PTPRJ: variants seen among roughly 807,000 people sequenced by gnomAD.
PTPRJ encodes the protein receptor-type tyrosine-protein phosphatase eta.
In PTPRJ, 129 loss-of-function variants were observed where a neutral mutation model predicts 141.3. That is an observed-to-expected ratio of 0.91 (90% CI 0.79 to 1.06). The LOEUF is 1.06. Ranked by LOEUF, PTPRJ falls within the 50% of genes least tolerant of loss-of-function variation. PTPRJ has a pLI of 0.00. For missense variants in PTPRJ, 1,601 were observed against 1,679.7 expected (o/e 0.95, Z 0.82); for synonymous variants, 610 against 640.5 (o/e 0.95, Z 0.72).
chr11:48,001,318 ATAT>A (rs2134190213), intron 1 of PTPRJ, among the ~76,000 whole-genome samples: 1 of 150,726 alleles, frequency 6.6e-6, no homozygotes. Flanking sequence ...TTATCTCATA[ATAT>A]TCTTACCTTT....
At chr11:47,982,038 G>A (rs1033175436) in intron 1 of PTPRJ, among the ~76,000 whole-genome samples, 7 of 152,166 alleles carry the variant, frequency 4.6e-5, no homozygotes, top group African/African-American at 1.7e-4. Context: ...GATGGAACCT[G>A]GTTTCAGGGA....
rs769386247 is a variant in PTPRJ at position 48,127,804 on chromosome 11, C to T, written c.1118C>T (p.Thr373Ile). Residue 373 changes from threonine to isoleucine, a missense_variant, in exon 7 of 25, where the codon ACC becomes ATC. Transcript: ENST00000418331. ...RTNAIQVFDV[T>I]AVNISATSLT... ...GATGCTATTCAGGTTTTTGACGTCA[C>T]CGCTGTGAACATCAGTGCCACAAGC... 24 of 1,614,058 alleles carry T rather than the reference C, an allele frequency of 1.5e-5. No homozygotes were observed. Among genetic ancestry groups the T allele is most frequent in the South Asian group, 6.6e-5 (6 of 91,084 alleles).
At chr11:48,155,195 A>C (rs760273257) in intron 19 of PTPRJ, among the ~76,000 whole-genome samples, 2 of 152,130 alleles carry the variant, frequency 1.3e-5, no homozygotes, top group Non-Finnish European at 2.9e-5. Context: ...TTATACATTC[A>C]ATTTATACTT....
At chr11:48,164,356 A>T in intron 23 of PTPRJ, 24 bp from the exon 24 acceptor site, 1 of 1,611,942 alleles carries the variant, frequency 6.2e-7, no homozygotes, top group African/African-American at 1.3e-5. Context: ...CCACTGTAAT[A>T]GGCTTATTTC....
At chr11:48,058,946 C>A in intron 1 of PTPRJ, among the ~76,000 whole-genome samples, 1 of 152,026 alleles carries the variant, frequency 6.6e-6, no homozygotes, top group Non-Finnish European at 1.5e-5. Flanking sequence ...TTCTAGAACA[C>A]GTCACGTTCA....
chr11:48,048,577 TG>T (rs1229274184), intron 1 of PTPRJ, among the ~76,000 whole-genome samples: 1 of 152,138 alleles, frequency 6.6e-6, no homozygotes, highest in African/African-American at 2.4e-5. Context: ...GCAGATCACT[TG>T]AGCCCAGGAG....
chr11:48,112,880 C>T lies in PTPRJ; in HGVS notation c.249C>T (p.Thr83=). 4 of 1,614,092 alleles carry T rather than the reference C, an allele frequency of 2.5e-6. No homozygotes were observed. The highest frequency in any genetic ancestry group is 2.5e-6 in the Non-Finnish European group (3 of 1,180,010). ...GTGTPQVETN[T]SEDGESSGAN... ...GAACACCTCAGGTGGAAACAAACAC[C>T]AGTGAGGATGGTGAAAGCTCTGGAG... The change falls in exon 3 of 25, where the codon ACC becomes ACT. Residue 83 remains threonine (T), a synonymous_variant. Transcript: ENST00000418331.
chr11:48,087,202 C>T lies in PTPRJ; in HGVS notation c.97-22856C>T, dbSNP rs529486512. ...TTGGAAATGCATGTGGCAGTGGTTCCCAAACACTGGTGTGCAGATGGAACA... is the reference window on the plus strand; with the variant it reads ...TTGGAAATGCATGTGGCAGTGGTTCTCAAACACTGGTGTGCAGATGGAACA... On this transcript the variant is annotated intron_variant, in intron 1 of 24. Transcript: ENST00000418331. Among the ~76,000 whole-genome samples the T allele has an allele frequency of 2.8e-4, 43 of 152,248 alleles. 2 individuals carry two copies. The highest frequency in any genetic ancestry group is 3.4e-3 in the Middle Eastern group (1 of 294).
rs201275741 is a variant in PTPRJ, at chr11:48,127,930, G to A, written c.1244G>A (p.Ser415Asn). Residue 415 changes from serine (S) to asparagine (N), a missense_variant, in exon 7 of 25, where the codon AGT becomes AAT. Coordinates refer to ENST00000418331, the MANE Select transcript of PTPRJ (RefSeq NM_002843.4). ...GETDSSNLNV[S>N]EPRAVIPGLR... ...ACAGATTCTTCCAATCTCAACGTCA[G>A]TGAGCCTCGCGCTGTCATCCCCGGA... is the stretch of plus-strand genomic sequence containing the variant. The A allele has an allele frequency of 1.5e-5, 25 of 1,614,068 alleles. No homozygotes were observed. The African/African-American group carries it at 3.3e-4, about 22-fold the overall frequency.
chr11:48,056,002 T>C (rs185666195), intron 1 of PTPRJ, among the ~76,000 whole-genome samples: 2 of 152,332 alleles, frequency 1.3e-5, no homozygotes, highest in Admixed American at 1.3e-4. Context: ...ACTTTTGTGC[T>C]CCCTGGGGTG....
chr11:48,092,721 C>T (rs981433412), intron 1 of PTPRJ, among the ~76,000 whole-genome samples: 6 of 152,164 alleles, frequency 3.9e-5, no homozygotes, highest in Admixed American at 1.3e-4. Flanking sequence ...TGAACTACTG[C>T]GCCGGGCTTG....
At chr11:48,103,952 G>T (rs985969147) in intron 1 of PTPRJ, among the ~76,000 whole-genome samples, 3 of 152,202 alleles carry the variant, frequency 2.0e-5, no homozygotes, top group Admixed American at 1.3e-4. Flanking sequence ...CAGGGTGGTT[G>T]GTTCTCGTTC....
At chr11:48,137,359 A>G in intron 10 of PTPRJ, 78 bp downstream of exon 10, 1 of 1,489,356 alleles carries the variant, frequency 6.7e-7, no homozygotes, top group African/African-American at 1.4e-5. Flanking sequence ...CCAAGTCTGT[A>G]GTTTGTCTGG....
At chr11:48,005,008 G>A (rs1854586225) in intron 1 of PTPRJ, among the ~76,000 whole-genome samples, 1 of 152,066 alleles carries the variant, frequency 6.6e-6, no homozygotes, top group East Asian at 1.9e-4. Context: ...GATCACTTGA[G>A]GTCAGGAGTT....
At chr11:48,043,073 G>C (rs564336884) in intron 1 of PTPRJ, among the ~76,000 whole-genome samples, 185 of 152,312 alleles carry the variant, frequency 1.2e-3, no homozygotes, top group Non-Finnish European at 2.3e-3. Flanking sequence ...CCCACAGAGT[G>C]GGCATTGACC....
At chr11:48,117,572 A>T (rs2134334256) in intron 3 of PTPRJ, among the ~76,000 whole-genome samples, 1 of 125,346 alleles carries the variant, frequency 8.0e-6, no homozygotes, top group Non-Finnish European at 1.7e-5. Flanking sequence ...AAAAAAAAAA[A>T]AAAGCAAGCT....
intron 1 of PTPRJ, among the ~76,000 whole-genome samples, chr11:48,088,025 G>A (rs574135259): frequency 3.0e-4 from 45 of 152,296 alleles, no homozygotes; most frequent in Admixed American, 7.2e-4. Flanking sequence ...CTCTTTAGCT[G>A]TTGAATGAGT....
At chr11:48,003,212 C>G (rs1191166941) in intron 1 of PTPRJ, among the ~76,000 whole-genome samples, 2 of 152,150 alleles carry the variant, frequency 1.3e-5, no homozygotes, top group East Asian at 3.8e-4. Context: ...ATTCATTTAG[C>G]CTTTTTCGTA....
At chr11:48,143,517 G>A (rs372807785) in intron 12 of PTPRJ, among the ~76,000 whole-genome samples, 36 of 152,226 alleles carry the variant, frequency 2.4e-4, no homozygotes, top group African/African-American at 7.7e-4. Context: ...CTCTACACAC[G>A]TACACACATG....
Sources: allele counts gnomAD v4.1 joint callset (sites outside exome capture counted in the v4.1 genomes callset), GRCh38; gene constraint gnomAD v4.1.1; transcripts MANE v1.5; gene names NCBI Gene and HGNC (gene_info 2026-07-23, HGNC 2026-07-21).